DPP6: variants seen among roughly 807,000 people sequenced by gnomAD.
DPP6 encodes A-type potassium channel modulatory protein DPP6.
In DPP6, 69 loss-of-function variants were observed where a neutral mutation model predicts 122.6. The ratio of observed to expected loss-of-function variants is 0.56; its 90% CI spans 0.46 to 0.69. DPP6 has a LOEUF of 0.69. Among genes scored for constraint, DPP6 ranks in the 30% least tolerant of loss-of-function variants. The pLI is 0.00. For synonymous variants in DPP6, 418 were observed against 433.1 expected (o/e 0.97, Z 0.43); for missense variants, 928 against 1,116.9 (o/e 0.83, Z 2.41).
intron 2 of DPP6, among the ~76,000 whole-genome samples, chr7:154,455,400 G>C: frequency 6.6e-6 from 1 of 152,148 alleles, no homozygotes; most frequent in East Asian, 1.9e-4. Flanking sequence ...CCACGAGCAA[G>C]ACCCCTTGAT....
chr7:154,874,874 A>G (rs1310260060), intron 19 of DPP6, among the ~76,000 whole-genome samples: 1 of 152,248 alleles, frequency 6.6e-6, no homozygotes, highest in Non-Finnish European at 1.5e-5. Flanking sequence ...CCAGTCCTGC[A>G]TAGAAAATGG....
At chr7:154,121,214 A>G (rs1406294445) in intron 1 of DPP6, among the ~76,000 whole-genome samples, 1 of 152,214 alleles carries the variant, frequency 6.6e-6, no homozygotes, top group Non-Finnish European at 1.5e-5. Context: ...TAGCAGCATG[A>G]GAACGGACTA....
chr7:154,787,588 G>A (rs1008065648), intron 10 of DPP6, among the ~76,000 whole-genome samples: 2 of 151,962 alleles, frequency 1.3e-5, no homozygotes, highest in Admixed American at 6.6e-5. Context: ...TCTTATATGC[G>A]AACTTCAGAA....
At chr7:154,123,965 C>T (rs1009181718) in intron 1 of DPP6, among the ~76,000 whole-genome samples, 2 of 152,048 alleles carry the variant, frequency 1.3e-5, no homozygotes, top group Admixed American at 6.6e-5. Context: ...GTGCCACCCA[C>T]TCACTATGAT....
At position 154,602,725 on chromosome 7, in the gene DPP6, C is replaced by T. The variant is rs1253541074; in HGVS notation, c.628-35096C>T. Among the ~76,000 whole-genome samples, 3 of 107,590 alleles carry T rather than the reference C, an allele frequency of 2.8e-5. 1 individual carries two copies. The highest frequency in any genetic ancestry group is 6.2e-5 in the Non-Finnish European group (3 of 48,256). The allele number at this position is 107,590 out of a possible 152,430, so 70.6% of individuals were successfully genotyped here. A position where few individuals can be genotyped will look rare whatever the true frequency, so the allele number is the denominator to read the frequency against. On this transcript the variant is annotated intron_variant, in intron 5 of 25. Transcript: ENST00000377770. The stretch of plus-strand genomic sequence containing the variant: ...GGATTAGAGGTGTGAGCCAGCATGC[C>T]TGGCCTATTTCTTAATTCTTAATCC...
chr7:154,395,374 C>T (rs1442338056), intron 1 of DPP6, among the ~76,000 whole-genome samples: 1 of 152,168 alleles, frequency 6.6e-6, no homozygotes, highest in Non-Finnish European at 1.5e-5. Flanking sequence ...TTAAGTCTTC[C>T]CATCCATGAA....
intron 1 of DPP6, among the ~76,000 whole-genome samples, chr7:154,126,397 A>G (rs1284731149): frequency 1.3e-5 from 2 of 152,164 alleles, no homozygotes; most frequent in Non-Finnish European, 2.9e-5. Flanking sequence ...ATTGAGACAG[A>G]TGAAAACATT....
intron 16 of DPP6, among the ~76,000 whole-genome samples, chr7:154,817,061 C>T (rs1377856225): frequency 1.3e-5 from 2 of 152,174 alleles, no homozygotes; most frequent in South Asian, 2.1e-4. Context: ...CCCAGATGCC[C>T]CTCCTACATC....
chr7:153,816,927 G>A, the DPP6 span, among the ~76,000 whole-genome samples: 1 of 152,084 alleles, frequency 6.6e-6, no homozygotes, highest in Admixed American at 6.6e-5. Context: ...TCAGAAGGTG[G>A]CATCAAGACC....
At chr7:153,979,806 G>A (rs1428178309) in intron 1 of DPP6, among the ~76,000 whole-genome samples, 9 of 152,184 alleles carry the variant, frequency 5.9e-5, no homozygotes, top group Non-Finnish European at 1.0e-4. Flanking sequence ...AGATAATCAT[G>A]TGGTTTTTGT....
chr7:154,673,851 C>A (rs1168565535), intron 7 of DPP6, among the ~76,000 whole-genome samples: 2 of 151,964 alleles, frequency 1.3e-5, no homozygotes, highest in Admixed American at 6.6e-5. Flanking sequence ...GATGAATCTG[C>A]CTGAACTGAG....
At chr7:154,601,362 T>C (rs1460016817) in intron 5 of DPP6, among the ~76,000 whole-genome samples, 1 of 121,736 alleles carries the variant, frequency 8.2e-6, no homozygotes, top group Non-Finnish European at 1.9e-5. Flanking sequence ...CTGTCACGTT[T>C]TGCTTAGTAA....
At chr7:154,673,256 C>G (rs981877999) in intron 7 of DPP6, among the ~76,000 whole-genome samples, 3 of 152,182 alleles carry the variant, frequency 2.0e-5, no homozygotes, top group Non-Finnish European at 4.4e-5. Flanking sequence ...CCTTTGGGAG[C>G]AGAGAACACA....
At chr7:154,094,567 G>A (rs907202772) in intron 1 of DPP6, 1 of 152,220 alleles carries the variant, frequency 6.6e-6, no homozygotes, top group Admixed American at 6.5e-5. Context: ...GCTGGAGAGG[G>A]TATAAAATTC....
At chr7:153,804,280 G>A in the DPP6 span, among the ~76,000 whole-genome samples, 1 of 152,008 alleles carries the variant, frequency 6.6e-6, no homozygotes, top group East Asian at 1.9e-4. Flanking sequence ...TCGAACTCCT[G>A]ACCTCGGGTG....
At chr7:154,705,528 C>T (rs1396322789) in intron 7 of DPP6, among the ~76,000 whole-genome samples, 2 of 152,192 alleles carry the variant, frequency 1.3e-5, no homozygotes, top group Non-Finnish European at 2.9e-5. Context: ...AAGCAGTAGA[C>T]TCTGAAGCTC....
At chr7:154,505,479 C>T (rs141313788) in intron 3 of DPP6, among the ~76,000 whole-genome samples, 91 of 152,250 alleles carry the variant, frequency 6.0e-4, no homozygotes, top group African/African-American at 2.0e-3. Context: ...GGATCCCATC[C>T]GGGACACCGC....
intron 1 of DPP6, among the ~76,000 whole-genome samples, chr7:154,091,216 G>A (rs534278275): frequency 7.2e-5 from 11 of 152,262 alleles, no homozygotes; most frequent in Non-Finnish European, 1.3e-4. Flanking sequence ...AAGGGAACAG[G>A]AAAGAAACAG....
At chr7:154,645,855 T>C (rs1040402752) in intron 6 of DPP6, among the ~76,000 whole-genome samples, 2 of 151,742 alleles carry the variant, frequency 1.3e-5, no homozygotes, top group South Asian at 2.1e-4. Context: ...GGTGAAACCC[T>C]GTCTCTACTA....
Sources: gnomAD v4.1 joint callset for allele counts (sites outside exome capture counted in the v4.1 genomes callset) on GRCh38, gnomAD v4.1.1 for gene constraint, MANE v1.5 for transcripts, NCBI Gene and HGNC (gene_info 2026-07-23, HGNC 2026-07-21) for gene names.